Variants in TFEC observed in about 807,000 individuals in gnomAD.
The protein encoded by TFEC is transcription factor EC.
TFEC carries 31 observed loss-of-function variants against 41.6 expected under a neutral mutation model. The ratio of observed to expected loss-of-function variants is 0.74; its 90% CI spans 0.56 to 1.01. The LOEUF is 1.01. Among genes scored for constraint, TFEC ranks in the 50% least tolerant of loss-of-function variants. The pLI is 0.00. For missense variants in TFEC, 402 were observed against 404.1 expected (o/e 0.99, Z 0.04); for synonymous variants, 143 against 140.6 (o/e 1.02, Z -0.12).
At chr7:115,947,242 T>C (rs972845859) in intron 6 of TFEC, among the ~76,000 whole-genome samples, 1 of 151,632 alleles carries the variant, frequency 6.6e-6, no homozygotes, top group African/African-American at 2.4e-5. Context: ...CTACAAAGGA[T>C]GTGAACTCAT....
At chr7:116,007,100 C>T (rs1794825361) in intron 1 of TFEC, among the ~76,000 whole-genome samples, 1 of 152,136 alleles carries the variant, frequency 6.6e-6, no homozygotes, top group Non-Finnish European at 1.5e-5. Flanking sequence ...ATTACATATA[C>T]AAAATGTATG....
At chr7:116,067,155 C>G (rs1332564182) in intron 3 of TFEC, among the ~76,000 whole-genome samples, 1 of 152,038 alleles carries the variant, frequency 6.6e-6, no homozygotes, top group Non-Finnish European at 1.5e-5. Flanking sequence ...GATAAACCCT[C>G]TAGGCCAGAA....
chr7:116,118,222 C>A (rs995702332), intron 1 of TFEC, among the ~76,000 whole-genome samples: 2 of 151,800 alleles, frequency 1.3e-5, no homozygotes, highest in Non-Finnish European at 2.9e-5. Flanking sequence ...CATTCCATAT[C>A]ACTACTGATG....
chr7:116,157,370 C>T (rs557506509), intron 1 of TFEC: 3 of 149,268 alleles, frequency 2.0e-5, no homozygotes, highest in East Asian at 3.9e-4. Flanking sequence ...CCTAGATGTT[C>T]CAAAAAAAAT....
chr7:116,084,447 AC>A (rs746010936), intron 3 of TFEC, among the ~76,000 whole-genome samples: 74 of 151,888 alleles, frequency 4.9e-4, no homozygotes, highest in South Asian at 8.3e-4. Context: ...TATTCATTCT[AC>A]CTTTCTACAC....
chr7:116,032,283 C>T (rs1374871096), upstream of TFEC, among the ~76,000 whole-genome samples: 1 of 151,942 alleles, frequency 6.6e-6, no homozygotes, highest in Non-Finnish European at 1.5e-5. Context: ...GTGGCAATTC[C>T]TCTATCTAAA....
chr7:115,967,919 T>A (rs753472130), intron 3 of TFEC, among the ~76,000 whole-genome samples: 7 of 151,834 alleles, frequency 4.6e-5, no homozygotes, highest in Non-Finnish European at 1.0e-4. Context: ...GAAACCCTCA[T>A]CTTTTGATTA....
intron 3 of TFEC, among the ~76,000 whole-genome samples, chr7:115,964,803 C>T (rs1272013655): frequency 2.6e-5 from 4 of 151,512 alleles, no homozygotes. Context: ...AAGAAAAGTG[C>T]TATGTTTACA....
Position 116,124,008 on chromosome 7 carries a change from T to C in TFEC, c.-68-11970A>G, listed in dbSNP as rs111969288. On this transcript the variant is annotated intron_variant, in intron 1 of 8. Transcript: ENST00000484212. Reference sequence around the variant, plus strand: ...CAATTAAAGGACTTTTAGTTGTCTATGGGTAAGTGACAAGGAAAGAAGAAG... The same window carrying C: ...CAATTAAAGGACTTTTAGTTGTCTACGGGTAAGTGACAAGGAAAGAAGAAG... 7.9e-3 allele frequency among the ~76,000 whole-genome samples: 1,205 copies of C among 152,194 alleles called. 11 individuals carry two copies. Among genetic ancestry groups the C allele is most frequent in the South Asian group, 0.018 (89 of 4,818 alleles).
chr7:116,109,555 A>T (rs1797800979), intron 3 of TFEC, among the ~76,000 whole-genome samples: 1 of 152,160 alleles, frequency 6.6e-6, no homozygotes, highest in South Asian at 2.1e-4. Context: ...AATGGCAATC[A>T]TTTAAAAAGT....
intron 1 of TFEC, among the ~76,000 whole-genome samples, chr7:115,997,470 C>A (rs896168456): frequency 3.3e-5 from 5 of 152,124 alleles, no homozygotes; most frequent in African/African-American, 4.8e-5. Flanking sequence ...GGAATGCCTT[C>A]CCAAGACGGA....
At chr7:115,982,328 A>C (rs1376905574) in intron 2 of TFEC, among the ~76,000 whole-genome samples, 1 of 152,230 alleles carries the variant, frequency 6.6e-6, no homozygotes, top group African/African-American at 2.4e-5. Context: ...GTGTACACAC[A>C]TGGGTGAGAG....
At chr7:115,996,566 A>G (rs556175180) in intron 1 of TFEC, among the ~76,000 whole-genome samples, 1 of 152,018 alleles carries the variant, frequency 6.6e-6, no homozygotes, top group South Asian at 2.1e-4. Context: ...AGAGTAAAGA[A>G]GACTTTGTCT....
chr7:116,103,566 T>C (rs1797650414), intron 3 of TFEC, among the ~76,000 whole-genome samples: 1 of 152,164 alleles, frequency 6.6e-6, no homozygotes. Context: ...TAGTTAAATA[T>C]TAATATTAAA....
chr7:115,968,892 T>C (rs1199024149), intron 3 of TFEC, among the ~76,000 whole-genome samples: 1 of 151,870 alleles, frequency 6.6e-6, no homozygotes, highest in African/African-American at 2.4e-5. Context: ...AAAATTTTAA[T>C]AGGCAATAAC....
intron 1 of TFEC, among the ~76,000 whole-genome samples, chr7:116,137,544 G>T (rs1798456740): frequency 6.6e-6 from 1 of 152,062 alleles, no homozygotes; most frequent in South Asian, 2.1e-4. Context: ...ACTATGAATT[G>T]GGTTTAAGGA....
intron 3 of TFEC, among the ~76,000 whole-genome samples, chr7:116,039,693 G>A (rs185357008): frequency 1.2e-4 from 18 of 151,846 alleles, no homozygotes; most frequent in Admixed American, 1.1e-3. Flanking sequence ...AAACCAGAGA[G>A]ATAGAAAAAA....
intron 3 of TFEC, among the ~76,000 whole-genome samples, chr7:115,963,302 G>C (rs1430127831): frequency 6.6e-6 from 1 of 151,766 alleles, no homozygotes; most frequent in African/African-American, 2.4e-5. Flanking sequence ...TCATTAGGAT[G>C]GCTAATATCA....
intron 3 of TFEC, among the ~76,000 whole-genome samples, chr7:116,095,146 A>T (rs1797421294): frequency 6.6e-6 from 1 of 152,202 alleles, no homozygotes; most frequent in African/African-American, 2.4e-5. Flanking sequence ...CTTACTTAAT[A>T]TCCCTTTCAT....
Sources: gnomAD v4.1 joint callset for allele counts (sites outside exome capture counted in the v4.1 genomes callset) on GRCh38, gnomAD v4.1.1 for gene constraint, MANE v1.5 for transcripts, NCBI Gene and HGNC (gene_info 2026-07-23, HGNC 2026-07-21) for gene names.